CSF1: variants seen among roughly 807,000 people sequenced by gnomAD.
The protein encoded by CSF1 is colony stimulating factor 1, also known as macrophage colony-stimulating factor 1.
CSF1 carries 9 observed loss-of-function variants against 48.9 expected under a neutral mutation model. The observed-to-expected ratio is 0.18, with a 90% confidence interval of 0.11 to 0.32. The LOEUF (loss-of-function observed/expected upper bound fraction) is 0.32, where lower values mean the gene tolerates loss of function less well. Among genes scored for constraint, CSF1 ranks in the 10% least tolerant of loss-of-function variants. The pLI is 1.00. For missense variants in CSF1, 672 were observed against 697.9 expected (o/e 0.96, Z 0.42); for synonymous variants, 305 against 284.1 (o/e 1.07, Z -0.74).
intron 5 of CSF1, among the ~76,000 whole-genome samples, chr1:109,922,822 G>T (rs531418965): frequency 6.6e-6 from 1 of 152,170 alleles, no homozygotes; most frequent in African/African-American, 2.4e-5. Flanking sequence ...GAAGGCAACC[G>T]TTCAGCCTCC....
chr1:109,915,340 T>C (rs1231203193), intron 2 of CSF1, among the ~76,000 whole-genome samples: 2 of 152,204 alleles, frequency 1.3e-5, no homozygotes, highest in Non-Finnish European at 2.9e-5. Flanking sequence ...CAGGGAAGAT[T>C]ATATCCTATA....
chr1:109,914,302 G>A lies in CSF1; in HGVS notation c.83G>A (p.Ser28Asn), dbSNP rs1405845260. The change falls in exon 2 of 9, where the codon AGC becomes AAC. Residue 28 changes from serine (S) to asparagine (N), a missense_variant. Physicochemically the swap from Ser to Asn is conservative, Grantham distance 46. Coordinates refer to ENST00000329608, the MANE Select transcript of CSF1 (RefSeq NM_000757.6). ...CTGTTGTTGGTCTGTCTCCTGGCGAGCAGGAGTATCACCGAGGAGGTGTCG... is the reference window on the plus strand; with the variant it reads ...CTGTTGTTGGTCTGTCTCCTGGCGAACAGGAGTATCACCGAGGAGGTGTCG... ...SLLLLVCLLA[S>N]RSITEEVSEY... 1 of 1,607,972 alleles carries A rather than the reference G, an allele frequency of 6.2e-7. No individual in the cohort carries two copies. The highest frequency in any genetic ancestry group is 1.3e-5 in the African/African-American group (1 of 74,872).
chr1:109,925,781 T>C (rs1014737600), intron 8 of CSF1, among the ~76,000 whole-genome samples: 1 of 152,130 alleles, frequency 6.6e-6, no homozygotes, highest in Non-Finnish European at 1.5e-5. Flanking sequence ...CCCCTCTCCA[T>C]GTCCCCAACA....
In CSF1 at chr1:109,923,850, C is replaced by T; in HGVS notation, c.1229C>T (p.Pro410Leu). The T allele has an allele frequency of 6.2e-7, 1 of 1,614,006 alleles. No individual in the cohort carries two copies. Among genetic ancestry groups the T allele is most frequent in the Non-Finnish European group, 8.5e-7 (1 of 1,179,906 alleles). Residue 410 changes from proline to leucine, a missense_variant, in exon 6 of 9, where the codon CCC (proline) becomes CTC (leucine). This residue lies in a region of CSF1 where 591 missense variants were observed against 593.6 expected (regional missense o/e 1.00). Transcript: ENST00000329608. ...TCTCCCAGGATCTCATCACTGCGCC[C>T]CCAGGGCCTCAGCAACCCCTCCACC... ...PGSPRISSLR[P>L]QGLSNPSTLS...
At chr1:109,915,130 T>C (rs1325564144) in intron 2 of CSF1, among the ~76,000 whole-genome samples, 1 of 152,152 alleles carries the variant, frequency 6.6e-6, no homozygotes, top group East Asian at 1.9e-4. Flanking sequence ...CCAGCACTAC[T>C]TCTCCTGTAT....
intron 4 of CSF1, 44 bp downstream of exon 4, chr1:109,917,507 T>G: frequency 6.2e-7 from 1 of 1,600,388 alleles, no homozygotes; most frequent in South Asian, 1.1e-5. Context: ...GGGCAGAGGG[T>G]GGCTGTGGAG....
Position 109,925,186 on chromosome 1 carries a change from G to A in CSF1, c.1662G>A (p.Val554=), listed in dbSNP as rs753319721. Residue 554 remains valine, a synonymous_variant, in exon 8 of 9, where the codon GTG becomes GTA. Transcript: ENST00000329608. ...TQDDRQVELP[V] is the part of the protein sequence containing the mutation. ...ATGACAGACAGGTGGAACTGCCAGT[G>A]TAGAGGGAATTCTAAGGTAAGATTC... 17 of 1,613,854 alleles carry A rather than the reference G, an allele frequency of 1.1e-5. No homozygotes were observed. The highest frequency in any genetic ancestry group is 1.4e-5 in the Non-Finnish European group (16 of 1,179,932).
chr1:109,921,766 G>A, intron 4 of CSF1, 81 bp from the exon 5 acceptor site: 1 of 1,453,484 alleles, frequency 6.9e-7, no homozygotes, highest in Non-Finnish European at 9.1e-7. Context: ...ATGTGAGAAA[G>A]GCCAAGGGAA....
At chr1:109,918,069 A>G (rs1570792427) in intron 4 of CSF1, among the ~76,000 whole-genome samples, 1 of 152,382 alleles carries the variant, frequency 6.6e-6, no homozygotes, top group Admixed American at 6.5e-5. Context: ...CAGGGAACTC[A>G]GACTTCCATG....
chr1:109,915,975 T>G (rs1654882829), intron 3 of CSF1, among the ~76,000 whole-genome samples: 1 of 151,988 alleles, frequency 6.6e-6, no homozygotes, highest in South Asian at 2.1e-4. Flanking sequence ...ATACAGTTTA[T>G]TATCCACAGA....
Position 109,924,768 on chromosome 1 carries a change from G to T in CSF1, c.1570-8G>T. 6.3e-7 allele frequency: 1 copy of T among 1,583,158 alleles called. No homozygotes were observed. The highest frequency in any genetic ancestry group is 8.6e-7 in the Non-Finnish European group (1 of 1,164,500). ...GCTCCTCAGTGAGATGCTCTTTCCT[G>T]TCCTCAGAGCCATCAAGAGCCTCAG... On this transcript the variant is annotated splice_polypyrimidine_tract_variant and splice_region_variant and intron_variant, in intron 6 of 8. Coordinates refer to ENST00000329608, the MANE Select transcript of CSF1 (RefSeq NM_000757.6).
intron 4 of CSF1, among the ~76,000 whole-genome samples, chr1:109,918,773 G>A (rs535761337): frequency 5.9e-5 from 9 of 152,210 alleles, no homozygotes; most frequent in East Asian, 1.9e-4. Context: ...GAGTGGAGAC[G>A]TTGAGGAGGC....
At position 109,923,635 on chromosome 1, in the gene CSF1, C is replaced by A. The variant is rs762019203; in HGVS notation, c.1014C>A (p.Ala338=). The A allele has an allele frequency of 1.2e-6, 2 of 1,613,928 alleles. No homozygotes were observed. The highest frequency in any genetic ancestry group is 1.7e-6 in the Non-Finnish European group (2 of 1,179,948). Residue 338 remains alanine, a synonymous_variant, in exon 6 of 9, where the codon GCC becomes GCA. Transcript: ENST00000329608. ...PGGGSMQTEP[A]RPSNFLSASS... ...GGGGCAGCATGCAGACAGAGCCCGC[C>A]AGACCCAGCAACTTCCTCTCAGCAT...
rs200624006 is a variant in CSF1, at chr1:109,914,248, C to T, written c.40-11C>T. On this transcript the variant is annotated splice_polypyrimidine_tract_variant and intron_variant, in intron 1 of 8. Transcript: ENST00000329608. The stretch of plus-strand genomic sequence containing the variant: ...GAGACCTGGGGAGAAATGACACCCT[C>T]TCTGTCACAGACATGGCTGGGCTCC... 3.7e-5 allele frequency: 59 copies of T among 1,592,776 alleles called. 1 individual carries two copies. The Admixed American group carries it at 9.9e-4, about 27-fold the overall frequency.
chr1:109,923,778 A>G lies in CSF1; in HGVS notation c.1157A>G (p.Lys386Arg). The change falls in exon 6 of 9, where the codon AAG becomes AGG. Residue 386 changes from lysine (K) to arginine (R), a missense_variant. Lys to Arg is a conservative substitution (Grantham distance 26). Transcript: ENST00000329608. ...CAGGACTGGAATCACACCCCCCAGA[A>G]GACAGACCATCCATCTGCCCTGCTC... is the stretch of plus-strand genomic sequence containing the variant. ...TGQDWNHTPQ[K>R]TDHPSALLRD... is the part of the protein sequence containing the mutation. 6.2e-7 allele frequency: 1 copy of G among 1,608,618 alleles called. No homozygotes were observed. Among genetic ancestry groups the G allele is most frequent in the Non-Finnish European group, 8.5e-7 (1 of 1,177,310 alleles).
intron 6 of CSF1, 48 bp downstream of exon 6, chr1:109,924,238 G>T: frequency 5.3e-6 from 8 of 1,513,914 alleles, no homozygotes; most frequent in Non-Finnish European, 7.1e-6. Flanking sequence ...TAGGGCAGGG[G>T]CAGAGCCTGG....
At chr1:109,921,487 CG>C (rs1647537407) in intron 4 of CSF1, among the ~76,000 whole-genome samples, 1 of 152,220 alleles carries the variant, frequency 6.6e-6, no homozygotes, top group African/African-American at 2.4e-5. Context: ...TGCACACCAT[CG>C]GATGGCCCAG....
chr1:109,916,832 C>A (rs1052046115), intron 3 of CSF1, among the ~76,000 whole-genome samples: 1 of 152,184 alleles, frequency 6.6e-6, no homozygotes, highest in African/African-American at 2.4e-5. Context: ...TTCAAGGCAA[C>A]TACCATCTCT....
intron 5 of CSF1, chr1:109,922,650 A>T (rs1053160573): frequency 6.4e-6 from 1 of 155,742 alleles, no homozygotes; most frequent in Non-Finnish European, 1.4e-5. Flanking sequence ...GCCAGTGGCC[A>T]AGTCCAGTCT....
Sources: allele counts gnomAD v4.1 joint callset (sites outside exome capture counted in the v4.1 genomes callset), GRCh38; gene constraint gnomAD v4.1.1; regional missense constraint gnomAD v4.1.1; transcripts MANE v1.5; gene names NCBI Gene and HGNC (gene_info 2026-07-23, HGNC 2026-07-21).